DAB2IP: variants seen among roughly 807,000 people sequenced by gnomAD.
DAB2IP encodes disabled homolog 2-interacting protein.
Under a neutral mutation model 107.2 loss-of-function variants are expected in DAB2IP, and 28 were observed. That is an observed-to-expected ratio of 0.26 (90% CI 0.19 to 0.36). The LOEUF is 0.36. Ranked by LOEUF, DAB2IP falls within the 10% of genes least tolerant of loss-of-function variation. The pLI is 1.00. For synonymous variants in DAB2IP, 755 were observed against 706.4 expected (o/e 1.07, Z -1.09); for missense variants, 1,400 against 1,644.7 (o/e 0.85, Z 2.57).
At chr9:121,778,365 C>T (rs944367931) in intron 14 of DAB2IP, among the ~76,000 whole-genome samples, 7 of 152,020 alleles carry the variant, frequency 4.6e-5, no homozygotes, top group Admixed American at 4.6e-4. Context: ...AGCATAGCAC[C>T]CATCTATATA....
intron 3 of DAB2IP, among the ~76,000 whole-genome samples, chr9:121,735,211 G>A (rs1434567677): frequency 6.6e-6 from 1 of 152,198 alleles, no homozygotes. Flanking sequence ...TGGGGCTTTG[G>A]TGGTGTGGAC....
chr9:121,699,869 A>G lies in DAB2IP; in HGVS notation c.362+411A>G, dbSNP rs1829673531. ...GGGAGCCCCTGGGTATCAGATACAA[A>G]AGGCATTTTCGGCCGGGTTTGGCCG... On this transcript the variant is annotated intron_variant, in intron 3 of 15. Coordinates refer to ENST00000408936, the Ensembl canonical transcript of DAB2IP. The surrounding 1 kb of genome is among the most constrained non-coding windows in gnomAD (Gnocchi z 6.2). Among the ~76,000 whole-genome samples the G allele has an allele frequency of 6.6e-6, 1 of 152,194 alleles. No homozygotes were observed. The highest frequency in any genetic ancestry group is 6.5e-5 in the Admixed American group (1 of 15,290).
chr9:121,754,554 G>C (rs1833345473), intron 3 of DAB2IP, among the ~76,000 whole-genome samples: 1 of 152,186 alleles, frequency 6.6e-6, no homozygotes, highest in Non-Finnish European at 1.5e-5. Context: ...GAGGGTCATG[G>C]CTGCCCAGGT....
intron 1 of DAB2IP, among the ~76,000 whole-genome samples, chr9:121,673,470 G>A (rs1248277273): frequency 2.0e-5 from 3 of 152,274 alleles, no homozygotes; most frequent in Admixed American, 6.5e-5. Context: ...CAGCAGGGGC[G>A]AGATTGCCCC....
intron 1 of DAB2IP, among the ~76,000 whole-genome samples, chr9:121,671,827 A>G (rs930973269): frequency 1.1e-4 from 16 of 152,090 alleles, no homozygotes; most frequent in African/African-American, 3.9e-4. Context: ...CTGTTCCCCT[A>G]TTGGTGGACA....
intron 10 of DAB2IP, among the ~76,000 whole-genome samples, chr9:121,769,196 C>T (rs1262972314): frequency 1.3e-5 from 2 of 152,114 alleles, no homozygotes; most frequent in East Asian, 1.9e-4. Flanking sequence ...AACTACTTCC[C>T]GAATATCTGT....
At chr9:121,737,166 G>C (rs115528823) in intron 3 of DAB2IP, 1 of 926,398 alleles carries the variant, frequency 1.1e-6, no homozygotes, top group Non-Finnish European at 1.3e-6. Flanking sequence ...CCTCTTTCTT[G>C]ACCCAGACCT....
In DAB2IP at chr9:121,768,652, C is replaced by T. The variant is rs770915847; in HGVS notation, c.1899+19C>T. ...GGAGCAGGTGCCTGTTGCCGTGGGG[C>T]GGAGGTGGGGCCAAAAGCTGCCATC... On this transcript the variant is annotated intron_variant, in intron 10 of 15. Transcript: ENST00000408936. The T allele has an allele frequency of 1.2e-5, 19 of 1,611,964 alleles. No homozygotes were observed. The highest frequency in any genetic ancestry group is 2.7e-5 in the African/African-American group (2 of 74,892).
At position 121,784,823 on chromosome 9, in the gene DAB2IP, G is replaced by GCTGT. The variant is rs546601605; in HGVS notation, c.*2329_*2332dup. 1.8e-3 allele frequency: 282 copies of GCTGT among 153,480 alleles called. 4 individuals carry two copies. The South Asian group carries it at 0.022, about 12-fold the overall frequency. The allele number at this position is 153,480 out of a possible 1,614,324, so 9.5% of individuals were successfully genotyped here. Reference sequence around the variant, plus strand: ...GCATTTGTGTGTTGGCTTTGCAGCTGCTGTCTGAGTAGTGGCCACTGGGGT... The same window carrying GCTGT: ...GCATTTGTGTGTTGGCTTTGCAGCTGCTGTCTGTCTGAGTAGTGGCCACTGGGGT... On this transcript the variant is annotated 3_prime_UTR_variant, in exon 16 of 16. Transcript: ENST00000408936.
intron 1 of DAB2IP, among the ~76,000 whole-genome samples, chr9:121,620,802 C>T (rs528893743): frequency 6.6e-6 from 1 of 152,310 alleles, no homozygotes; most frequent in African/African-American, 2.4e-5. Flanking sequence ...CAGCTCTCAC[C>T]TGGGAGCCCC....
intron 1 of DAB2IP, among the ~76,000 whole-genome samples, chr9:121,606,702 G>GC (rs1830887386): frequency 6.6e-6 from 1 of 151,976 alleles, no homozygotes; most frequent in African/African-American, 2.4e-5. Flanking sequence ...TACCATCATT[G>GC]GATGAGTGTG....
At position 121,710,367 on chromosome 9, in the gene DAB2IP, G is replaced by A. The variant is rs188528870; in HGVS notation, c.362+10909G>A. Among the ~76,000 whole-genome samples the A allele has an allele frequency of 3.4e-3, 516 of 152,320 alleles. 2 individuals are homozygous for A. The highest frequency in any genetic ancestry group is 6.8e-3 in the Middle Eastern group (2 of 294). Reference sequence around the variant, plus strand: ...GCTGCTGTGGGTGCCCAAGTCCTGAGGTGGTAGGGGTGGCAGTGGAGGCAG... The same window carrying A: ...GCTGCTGTGGGTGCCCAAGTCCTGAAGTGGTAGGGGTGGCAGTGGAGGCAG... On this transcript the variant is annotated intron_variant, in intron 3 of 15. Transcript: ENST00000408936.
intron 3 of DAB2IP, among the ~76,000 whole-genome samples, chr9:121,718,194 G>A (rs1192227609): frequency 1.3e-5 from 2 of 152,142 alleles, no homozygotes; most frequent in African/African-American, 2.4e-5. Context: ...TGTGGCTGCC[G>A]GCAGCCGCGG....
intron 3 of DAB2IP, among the ~76,000 whole-genome samples, chr9:121,740,038 G>A (rs1254296504): frequency 6.6e-6 from 1 of 152,160 alleles, no homozygotes; most frequent in Non-Finnish European, 1.5e-5. Context: ...GAGACCCAGT[G>A]GGGTCGGAAC....
At chr9:121,608,024 A>G (rs1211325494) in intron 1 of DAB2IP, among the ~76,000 whole-genome samples, 1 of 152,204 alleles carries the variant, frequency 6.6e-6, no homozygotes, top group Non-Finnish European at 1.5e-5. Context: ...TTCCGGGAGG[A>G]GAGAATTCCC....
chr9:121,625,411 T>A (rs1325668619), intron 1 of DAB2IP, among the ~76,000 whole-genome samples: 1 of 151,938 alleles, frequency 6.6e-6, no homozygotes, highest in Non-Finnish European at 1.5e-5. Flanking sequence ...GTGAACTCTT[T>A]TTTTTTTTAA....
intron 1 of DAB2IP, among the ~76,000 whole-genome samples, chr9:121,569,745 C>T (rs1321882047): frequency 6.6e-6 from 1 of 152,208 alleles, no homozygotes; most frequent in Non-Finnish European, 1.5e-5. Context: ...CACTTGAACT[C>T]GGGAGGCAAA....
chr9:121,712,590 C>G (rs574298541), intron 3 of DAB2IP, among the ~76,000 whole-genome samples: 1 of 152,232 alleles, frequency 6.6e-6, no homozygotes, highest in East Asian at 1.9e-4. Flanking sequence ...TTCCCTCTGA[C>G]GCATGGCCTT....
At chr9:121,693,198 G>A (rs986834246) in intron 2 of DAB2IP, among the ~76,000 whole-genome samples, 4 of 152,164 alleles carry the variant, frequency 2.6e-5, no homozygotes, top group Admixed American at 6.5e-5. Context: ...GCCTGGTGAC[G>A]CTGGGCAGGT....
Sources: gnomAD v4.1 joint callset for allele counts (sites outside exome capture counted in the v4.1 genomes callset) on GRCh38, gnomAD v4.1.1 for gene constraint, Gnocchi (gnomAD v3.1) non-coding constraint, MANE v1.5 for transcripts, NCBI Gene and HGNC (gene_info 2026-07-23, HGNC 2026-07-21) for gene names.